The following NR2E3 variants were observed in gnomAD, a reference collection of about 807,000 sequenced individuals.
NR2E3 encodes the protein nuclear receptor subfamily 2 group E member 3.
Under a neutral mutation model 37.6 loss-of-function variants are expected in NR2E3, and 38 were observed. The ratio of observed to expected loss-of-function variants is 1.01; its 90% CI spans 0.78 to 1.33. NR2E3 has a LOEUF of 1.33. Ranked by LOEUF, NR2E3 falls within the 40% of genes most tolerant of loss-of-function variation. NR2E3 has a pLI of 0.00. For synonymous variants in NR2E3, 235 were observed against 225.1 expected (o/e 1.04, Z -0.39); for missense variants, 562 against 558.7 (o/e 1.01, Z -0.06).
At position 71,812,106 on chromosome 15, in the gene NR2E3, AGCCCT is replaced by A. The variant is rs1477087145; in HGVS notation, c.503_507del (p.Ala168GlyfsTer12). ...GCCCCACACCCATGTCTGCAGCCAG[AGCCCT>A]GGGCCACCACTTCATGGCCAGCCTT... is the stretch of plus-strand genomic sequence containing the variant. On this transcript the variant is annotated frameshift_variant, in exon 4 of 8. Coordinates refer to ENST00000617575, the MANE Select transcript of NR2E3 (RefSeq NM_014249.4). LOFTEE classifies it high-confidence loss of function. The A allele has an allele frequency of 6.4e-7, 1 of 1,556,624 alleles. No homozygotes were observed. Among genetic ancestry groups the A allele is most frequent in the Non-Finnish European group, 8.7e-7 (1 of 1,150,448 alleles).
intron 7 of NR2E3, among the ~76,000 whole-genome samples, chr15:71,816,076 G>A (rs372661521): frequency 2.0e-5 from 3 of 152,064 alleles, no homozygotes; most frequent in East Asian, 1.9e-4. Flanking sequence ...GAGTGGTGGG[G>A]AAGTCTTCCC....
chr15:71,817,489 C>A, intron 7 of NR2E3, 63 bp from the exon 8 acceptor site: 1 of 1,507,928 alleles, frequency 6.6e-7, no homozygotes, highest in Non-Finnish European at 9.0e-7. Context: ...GGGAGGGCAC[C>A]GCCCCAGGGA....
intron 7 of NR2E3, chr15:71,815,068 G>GGGAGAGTTGCTGCAGGC (rs2054216702): frequency 3.8e-6 from 1 of 263,592 alleles, no homozygotes; most frequent in Non-Finnish European, 5.9e-6. Context: ...CTAGGTTTGG[G>GGGAGAGTTGCTGCAGGC]GGAGAGTTGC....
chr15:71,813,918 A>G lies in NR2E3; in HGVS notation c.995-94A>G. On this transcript the variant is annotated intron_variant, in intron 6 of 7. Coordinates refer to ENST00000617575, the MANE Select transcript of NR2E3 (RefSeq NM_014249.4). The surrounding 1 kb of genome is among the most constrained non-coding windows in gnomAD (Gnocchi z 4.7). The stretch of plus-strand genomic sequence containing the variant: ...GCCCACCCCACAGGGCCCCAGGTCC[A>G]TGTCTGCAGCCAGAACCCTGGGCCA... 1 of 1,545,916 alleles carries G rather than the reference A, an allele frequency of 6.5e-7. No homozygotes were observed.
chr15:71,814,461 GGGCT>G, intron 7 of NR2E3: 2 of 1,069,900 alleles, frequency 1.9e-6, no homozygotes, highest in Non-Finnish European at 2.3e-6. Context: ...TGTGGAGACA[GGGCT>G]GGACTTGAAA....
At chr15:71,817,441 G>C (rs561446605) in intron 7 of NR2E3, 111 bp from the exon 8 acceptor site, 532 of 1,384,380 alleles carry the variant, frequency 3.8e-4, no homozygotes, top group Non-Finnish European at 5.0e-4. Flanking sequence ...CCACTCTGGG[G>C]ACCTCATCTC....
Position 71,812,112 on chromosome 15 carries a change from G to C in NR2E3, c.507G>C (p.Leu169=), listed in dbSNP as rs774271438. 6.4e-7 allele frequency: 1 copy of C among 1,557,602 alleles called. No individual in the cohort carries two copies. The highest frequency in any genetic ancestry group is 8.7e-7 in the Non-Finnish European group (1 of 1,151,032). Residue 169 remains leucine, a synonymous_variant, in exon 4 of 8, where the codon CTG becomes CTC. Coordinates refer to ENST00000617575, the MANE Select transcript of NR2E3 (RefSeq NM_014249.4). ...CACCCATGTCTGCAGCCAGAGCCCT[G>C]GGCCACCACTTCATGGCCAGCCTTA... The part of the protein sequence containing the change: ...GPTPMSAARA[L]GHHFMASLIT...
chr15:71,817,099 TTC>T (rs10617656), intron 7 of NR2E3, among the ~76,000 whole-genome samples: 28,172 of 142,216 alleles, frequency 0.2, 2,902 homozygotes, highest in East Asian at 0.35. Context: ...CTTTTCTTTT[TTC>T]TTTTTTTTTT....
At position 71,813,496 on chromosome 15, in the gene NR2E3, T is replaced by A; in HGVS notation, c.855T>A (p.Ala285=). 1 of 1,612,538 alleles carries A rather than the reference T, an allele frequency of 6.2e-7. No individual in the cohort carries two copies. Among genetic ancestry groups the A allele is most frequent in the African/African-American group, 1.3e-5 (1 of 75,044 alleles). The change falls in exon 6 of 8, where the codon GCT becomes GCA. Residue 285 remains alanine (A), a synonymous_variant. Coordinates refer to ENST00000617575, the MANE Select transcript of NR2E3 (RefSeq NM_014249.4). This position sits in a 1 kb window ranked among gnomAD's most constrained non-coding sequence, Gnocchi z 4.7. ...CPLLAPPEAS[A]AGGAQGRLTL... is the part of the protein sequence containing the mutation. ...TGCTGGCACCGCCCGAGGCCTCTGCTGCCGGTGGTGCCCAGGGCCGGCTCA... is the reference window on the plus strand; with the variant it reads ...TGCTGGCACCGCCCGAGGCCTCTGCAGCCGGTGGTGCCCAGGGCCGGCTCA...
Position 71,818,243 on chromosome 15 carries a change from AAAAAAAAC to A in NR2E3, c.*560_*567del. On this transcript the variant is annotated 3_prime_UTR_variant, in exon 8 of 8. Coordinates refer to ENST00000617575, the MANE Select transcript of NR2E3 (RefSeq NM_014249.4). The stretch of plus-strand genomic sequence containing the variant: ...CAATAAAAAAGTAAAAAAAAAAAAC[AAAAAAAAC>A]CAGAAAAATGAGTGTGGTCAAGGCT... The A allele has an allele frequency of 6.7e-6, 1 of 148,590 alleles. No individual in the cohort carries two copies. The highest frequency in any genetic ancestry group is 1.5e-5 in the Non-Finnish European group (1 of 67,834). The allele number at this position is 148,590 out of a possible 1,614,324, so 9.2% of individuals were successfully genotyped here. A position where few individuals can be genotyped will look rare whatever the true frequency, so the allele number is the denominator to read the frequency against.
chr15:71,816,714 T>C (rs1176671719), intron 7 of NR2E3, among the ~76,000 whole-genome samples: 1 of 152,156 alleles, frequency 6.6e-6, no homozygotes, highest in African/African-American at 2.4e-5. Flanking sequence ...ACAATTCTTA[T>C]CTACTAAAAA....
At chr15:71,815,549 G>C (rs1043418691) in intron 7 of NR2E3, among the ~76,000 whole-genome samples, 3 of 152,196 alleles carry the variant, frequency 2.0e-5, no homozygotes, top group African/African-American at 7.2e-5. Context: ...TATTGGTTAT[G>C]CGTCAAATTT....
chr15:71,814,195 G>A (rs2054210182), intron 7 of NR2E3, 78 bp downstream of exon 7: 4 of 1,525,016 alleles, frequency 2.6e-6, no homozygotes, highest in Non-Finnish European at 8.8e-7. Flanking sequence ...CTCTCCCAGA[G>A]CTCACTGATT....
At chr15:71,814,514 G>A (rs2054212902) in intron 7 of NR2E3, 2 of 1,007,550 alleles carry the variant, frequency 2.0e-6, no homozygotes, top group Non-Finnish European at 2.4e-6. Flanking sequence ...TTTGCAAAGG[G>A]AGAGAGGGGC....
In NR2E3 at chr15:71,811,930, G is replaced by A. The variant is rs1048991956; in HGVS notation, c.350-25G>A. The stretch of plus-strand genomic sequence containing the variant: ...AAATGGGCAGCGGGACTGGCGTGTC[G>A]TCCTGACCCTTCCTGCCTCCCCAGC... On this transcript the variant is annotated intron_variant, in intron 3 of 7. Transcript: ENST00000617575. The surrounding 1 kb of genome is among the most constrained non-coding windows in gnomAD (Gnocchi z 5.6). The A allele has an allele frequency of 2.5e-5, 39 of 1,548,596 alleles. No homozygotes were observed. Among genetic ancestry groups the A allele is most frequent in the African/African-American group, 4.1e-5 (3 of 72,998 alleles).
At position 71,814,030 on chromosome 15, in the gene NR2E3, A is replaced by G; in HGVS notation, c.1013A>G (p.Asp338Gly). ...TCCCCAGAGACGCGGGGCCTGAAGG[A>G]TCCTGAGCACGTAGAGGCCTTGCAG... ...LFKPETRGLK[D>G]PEHVEALQDQ... The change falls in exon 7 of 8, where the codon GAT becomes GGT. Residue 338 changes from aspartate (D) to glycine (G), a missense_variant. Asp to Gly is a moderately conservative substitution (Grantham distance 94). Coordinates refer to ENST00000617575, the MANE Select transcript of NR2E3 (RefSeq NM_014249.4). 1 of 1,612,520 alleles carries G rather than the reference A, an allele frequency of 6.2e-7. No individual in the cohort carries two copies. Among genetic ancestry groups the G allele is most frequent in the Non-Finnish European group, 8.5e-7 (1 of 1,179,588 alleles).
Position 71,817,168 on chromosome 15 carries a change from G to A in NR2E3, c.1101-384G>A, listed in dbSNP as rs184831853. On this transcript the variant is annotated intron_variant, in intron 7 of 7. Transcript: ENST00000617575. ...GGCTGGAGTGCAGTAGCGGGATCTC[G>A]GCTCACTGTAAGCTCCGCCTCCCGG... is the stretch of plus-strand genomic sequence containing the variant. 4.4e-3 allele frequency among the ~76,000 whole-genome samples: 662 copies of A among 149,498 alleles called. 3 individuals are homozygous for A. The highest frequency in any genetic ancestry group is 0.016 in the African/African-American group (644 of 40,504).
chr15:71,812,290 C>T (rs1940234290), intron 4 of NR2E3, 46 bp from the exon 5 acceptor site: 1 of 1,613,246 alleles, frequency 6.2e-7, no homozygotes, highest in Non-Finnish European at 8.5e-7. Context: ...CTCCCTGCCA[C>T]CTCCCGAGAA....
In NR2E3 at chr15:71,813,224, G is replaced by T. The variant is rs1323178611; in HGVS notation, c.748-165G>T. Among the ~76,000 whole-genome samples the T allele has an allele frequency of 6.6e-6, 1 of 152,202 alleles. No individual in the cohort carries two copies. The highest frequency in any genetic ancestry group is 2.4e-5 in the African/African-American group (1 of 41,464). Reference sequence around the variant, plus strand: ...AGATGATAGGCAGCTGAGCCGGATGGTGCCAAATCCCAGAGCTCTGAGCCT... The same window carrying T: ...AGATGATAGGCAGCTGAGCCGGATGTTGCCAAATCCCAGAGCTCTGAGCCT... On this transcript the variant is annotated intron_variant, in intron 5 of 7. Coordinates refer to ENST00000617575, the MANE Select transcript of NR2E3 (RefSeq NM_014249.4). This position sits in a 1 kb window ranked among gnomAD's most constrained non-coding sequence, Gnocchi z 4.7.
Sources: gnomAD v4.1 joint callset for allele counts (sites outside exome capture counted in the v4.1 genomes callset) on GRCh38, gnomAD v4.1.1 for gene constraint, Gnocchi (gnomAD v3.1) non-coding constraint, MANE v1.5 for transcripts, NCBI Gene and HGNC (gene_info 2026-07-23, HGNC 2026-07-21) for gene names.